Variants in PSTPIP1 observed in about 807,000 individuals in gnomAD.
The protein encoded by PSTPIP1 is proline-serine-threonine phosphatase-interacting protein 1.
Under a neutral mutation model 69.6 loss-of-function variants are expected in PSTPIP1, and 66 were observed. That is an observed-to-expected ratio of 0.95 (90% CI 0.78 to 1.16). PSTPIP1 has a LOEUF of 1.16. Among genes scored for constraint, PSTPIP1 ranks in the 50% most tolerant of loss-of-function variants. The pLI, the probability that PSTPIP1 is intolerant of heterozygous loss-of-function variation, is 0.00. For missense variants in PSTPIP1, 603 were observed against 557.4 expected, an observed-to-expected ratio of 1.08 and a Z score of -0.82; for synonymous variants, 266 against 222.7, an observed-to-expected ratio of 1.19 and a Z score of -1.73.
At chr15:77,011,029 G>A (rs1317444665) in intron 1 of PSTPIP1, among the ~76,000 whole-genome samples, 1 of 152,166 alleles carries the variant, frequency 6.6e-6, no homozygotes, top group Non-Finnish European at 1.5e-5. Context: ...AGTGAAGGAG[G>A]GGAAGCAGGC....
intron 10 of PSTPIP1, chr15:77,031,519 C>A (rs1287862046): frequency 9.8e-6 from 4 of 406,334 alleles, no homozygotes; most frequent in Non-Finnish European, 1.8e-5. Context: ...CCCTGACTTC[C>A]TCCTTATGCC....
At chr15:76,998,226 G>A (rs1472921026) in intron 1 of PSTPIP1, among the ~76,000 whole-genome samples, 1 of 152,160 alleles carries the variant, frequency 6.6e-6, no homozygotes, top group Non-Finnish European at 1.5e-5. Context: ...TGACAGAGCT[G>A]ACAGAGTGGA....
Position 77,030,526 on chromosome 15 carries a change from C to A in PSTPIP1, c.587C>A (p.Ala196Glu), listed in dbSNP as rs370965231. 6 of 1,612,528 alleles carry A rather than the reference C, an allele frequency of 3.7e-6. No individual in the cohort carries two copies. The highest frequency in any genetic ancestry group is 5.1e-6 in the Non-Finnish European group (6 of 1,179,538). ...GAGCGGGTATACAGGCAGAGCATTG[C>A]GCAGCTGGAGAAGGTCCGGGCTGAG... is the stretch of plus-strand genomic sequence containing the variant. ...EAERVYRQSI[A>E]QLEKVRAEWE... The change falls in exon 9 of 15, where the codon GCG (alanine) becomes GAG (glutamate). Residue 196 changes from alanine to glutamate, a missense_variant. Coordinates refer to ENST00000558012, the MANE Select transcript of PSTPIP1 (RefSeq NM_003978.5).
chr15:77,022,383 G>A (rs915363217), intron 3 of PSTPIP1, among the ~76,000 whole-genome samples: 6 of 152,222 alleles, frequency 3.9e-5, no homozygotes, highest in Non-Finnish European at 7.3e-5. Flanking sequence ...CAGAATTTCA[G>A]ACTGAGCTTC....
intron 3 of PSTPIP1, among the ~76,000 whole-genome samples, chr15:77,024,952 G>GGGGA (rs1032361764): frequency 9.8e-5 from 15 of 152,316 alleles, no homozygotes; most frequent in African/African-American, 3.6e-4. Context: ...GAGGAGTTCA[G>GGGGA]GGGAGGGAGG....
intron 1 of PSTPIP1, among the ~76,000 whole-genome samples, chr15:77,004,890 A>G (rs2075785703): frequency 6.7e-6 from 1 of 149,846 alleles, no homozygotes; most frequent in African/African-American, 2.5e-5. Flanking sequence ...AAAAAAAACA[A>G]AGAAAGAAAA....
intron 1 of PSTPIP1, among the ~76,000 whole-genome samples, chr15:77,004,932 T>A (rs2075786547): frequency 6.6e-6 from 1 of 151,920 alleles, no homozygotes; most frequent in Admixed American, 6.6e-5. Flanking sequence ...TGTAGGACTG[T>A]CATTCTAAAA....
intron 13 of PSTPIP1, 53 bp from the exon 14 acceptor site, chr15:77,035,749 C>A: frequency 6.7e-7 from 1 of 1,487,472 alleles, no homozygotes; most frequent in Non-Finnish European, 8.8e-7. Flanking sequence ...GTAGGACTTC[C>A]AGGGGCCAGT....
rs2076563276 is a variant in PSTPIP1, at chr15:77,036,020, A to G, written c.1119+85A>G. On this transcript the variant is annotated intron_variant, in intron 14 of 14. Coordinates refer to ENST00000558012, the MANE Select transcript of PSTPIP1 (RefSeq NM_003978.5). Reference sequence around the variant, plus strand: ...CTCCCATCCAGTGCCTTGCGTCCTCATCTCTCCTCATGGTTTCACTCATCT... The same window carrying G: ...CTCCCATCCAGTGCCTTGCGTCCTCGTCTCTCCTCATGGTTTCACTCATCT... 14 of 1,436,600 alleles carry G rather than the reference A, an allele frequency of 9.7e-6. No homozygotes were observed. In the South Asian group the frequency reaches 2.0e-4, roughly 20 times the overall value. 89.0% of individuals were successfully genotyped at this position (1,436,600 alleles called of 1,614,324 possible).
intron 1 of PSTPIP1, among the ~76,000 whole-genome samples, chr15:77,002,054 C>T (rs2075720491): frequency 6.6e-6 from 1 of 152,372 alleles, no homozygotes; most frequent in Middle Eastern, 3.4e-3. Flanking sequence ...ATCCCAGCTA[C>T]TTACATCATC....
chr15:77,006,296 C>T (rs1391303210), intron 1 of PSTPIP1, among the ~76,000 whole-genome samples: 4 of 152,030 alleles, frequency 2.6e-5, no homozygotes, highest in African/African-American at 9.7e-5. Flanking sequence ...AAGACCTTTG[C>T]CCACTTTTGA....
intron 2 of PSTPIP1, 99 bp downstream of exon 2, chr15:77,018,347 C>G (rs2076092456): frequency 4.6e-6 from 7 of 1,535,488 alleles, no homozygotes; most frequent in Non-Finnish European, 6.2e-6. Context: ...CAGCCAAACT[C>G]TGTCAGAACA....
chr15:77,025,415 G>A (rs1286169679), intron 4 of PSTPIP1, 83 bp from the exon 5 acceptor site: 4 of 1,583,582 alleles, frequency 2.5e-6, no homozygotes, highest in Non-Finnish European at 3.5e-6. Context: ...GCTGGGGCTG[G>A]GCTGGCCCAC....
In PSTPIP1 at chr15:77,030,482, G is replaced by A. The variant is rs775189141; in HGVS notation, c.563-20G>A. 3.7e-6 allele frequency: 6 copies of A among 1,609,426 alleles called. No homozygotes were observed. The highest frequency in any genetic ancestry group is 1.7e-5 in the Admixed American group (1 of 59,582). On this transcript the variant is annotated intron_variant, in intron 8 of 14. Transcript: ENST00000558012. ...AGGAGCTCGTGTCAGGGCCCTCCCT[G>A]AGGCTGCCTGCGCTTTCAGAGCGGG...
At chr15:77,000,242 C>T (rs1391989639) in intron 1 of PSTPIP1, among the ~76,000 whole-genome samples, 2 of 152,164 alleles carry the variant, frequency 1.3e-5, no homozygotes, top group Non-Finnish European at 2.9e-5. Flanking sequence ...CTGCCCCTTC[C>T]CTATGTGGCA....
chr15:76,998,383 C>G (rs1480392423), intron 1 of PSTPIP1, among the ~76,000 whole-genome samples: 2 of 152,176 alleles, frequency 1.3e-5, no homozygotes, highest in Non-Finnish European at 2.9e-5. Context: ...AGGGAGGAAG[C>G]AAAAGTGGTT....
rs561802269 is a variant in PSTPIP1, at chr15:77,002,223, T to G, written c.36+6614T>G. Among the ~76,000 whole-genome samples, 11 of 152,330 alleles carry G rather than the reference T, an allele frequency of 7.2e-5. No individual in the cohort carries two copies. In the East Asian group the frequency reaches 1.9e-3, roughly 27 times the overall value. On this transcript the variant is annotated intron_variant, in intron 1 of 14. Coordinates refer to ENST00000558012, the MANE Select transcript of PSTPIP1 (RefSeq NM_003978.5). ...TCTAGGCCCAGACGAGGGTCACCTGTGCAGGGTAGAGCAGGGACTCCCACC... is the reference window on the plus strand; with the variant it reads ...TCTAGGCCCAGACGAGGGTCACCTGGGCAGGGTAGAGCAGGGACTCCCACC...
chr15:77,026,383 G>A (rs2076282316), intron 5 of PSTPIP1, among the ~76,000 whole-genome samples: 1 of 152,178 alleles, frequency 6.6e-6, no homozygotes, highest in African/African-American at 2.4e-5. Context: ...TTCTTGCCTG[G>A]GGAGGAAGGA....
chr15:77,036,184 T>G (rs1201638041), intron 14 of PSTPIP1, among the ~76,000 whole-genome samples: 2 of 152,142 alleles, frequency 1.3e-5, no homozygotes, highest in Non-Finnish European at 2.9e-5. Context: ...ATGTACTGAC[T>G]GGAAGCTGGT....
Sources: allele counts gnomAD v4.1 joint callset (sites outside exome capture counted in the v4.1 genomes callset), GRCh38; gene constraint gnomAD v4.1.1; transcripts MANE v1.5; gene names NCBI Gene and HGNC (gene_info 2026-07-23, HGNC 2026-07-21).